ANXA8: variants seen among roughly 807,000 people sequenced by gnomAD.
ANXA8 encodes the protein VAC-beta.
A neutral mutation model predicts 26.8 loss-of-function variants in ANXA8; 9 were observed. That is an observed-to-expected ratio of 0.34 (90% CI 0.20 to 0.59). The LOEUF is 0.59. ANXA8 is among the 20% of genes least tolerant of loss of function. The pLI is 0.84. For missense variants in ANXA8, 83 were observed against 238.5 expected, an observed-to-expected ratio of 0.35 and a Z score of 4.29; for synonymous variants, 39 against 94.8, an observed-to-expected ratio of 0.41 and a Z score of 3.42.
the ANXA8 span, among the ~76,000 whole-genome samples, chr10:47,674,775 G>A: frequency 6.6e-6 from 1 of 151,660 alleles, no homozygotes; most frequent in East Asian, 1.9e-4. Flanking sequence ...TTTATACCTT[G>A]GGTTAAAATC....
At chr10:47,552,868 T>C in the ANXA8 span, among the ~76,000 whole-genome samples, 73 of 152,016 alleles carry the variant, frequency 4.8e-4, 1 homozygote, top group African/African-American at 1.0e-3. Context: ...TATGGTCTGA[T>C]TGGCAGAGGA....
chr10:47,650,079 G>GCC, the ANXA8 span, among the ~76,000 whole-genome samples: 43 of 148,654 alleles, frequency 2.9e-4, no homozygotes, highest in African/African-American at 1.0e-3. Context: ...ATGGTGGCAC[G>GCC]CGCCTGTAAT....
chr10:47,676,007 AAGGGAAGGGAGGGG>A, the ANXA8 span, among the ~76,000 whole-genome samples: 1 of 151,378 alleles, frequency 6.6e-6, no homozygotes, highest in Non-Finnish European at 1.5e-5. Flanking sequence ...AAGAAAAGGA[AAGGGAAGGGAGGGG>A]AGGGAAGGGA....
At chr10:47,977,639 G>GA in the ANXA8 span, among the ~76,000 whole-genome samples, 42 of 151,190 alleles carry the variant, frequency 2.8e-4, no homozygotes, top group African/African-American at 9.7e-4. Context: ...ATAAAAAAGG[G>GA]AAAAAAATAA....
the ANXA8 span, among the ~76,000 whole-genome samples, chr10:47,584,021 A>G: frequency 7.5e-6 from 1 of 132,652 alleles, no homozygotes; most frequent in East Asian, 2.1e-4. Flanking sequence ...CTCTACTAAA[A>G]ATACAAAAAT....
At chr10:47,671,293 G>A in the ANXA8 span, among the ~76,000 whole-genome samples, 12 of 151,768 alleles carry the variant, frequency 7.9e-5, no homozygotes, top group Non-Finnish European at 1.5e-4. Flanking sequence ...TTGGTGGTGC[G>A]TGCCTGTAGT....
At chr10:47,606,687 C>A in the ANXA8 span, among the ~76,000 whole-genome samples, 2 of 147,622 alleles carry the variant, frequency 1.4e-5, no homozygotes, top group Non-Finnish European at 3.0e-5. Context: ...GAGTGGGGGA[C>A]AACACACACT....
chr10:47,677,047 C>T, the ANXA8 span, among the ~76,000 whole-genome samples: 3 of 143,220 alleles, frequency 2.1e-5, no homozygotes, highest in South Asian at 6.6e-4. Context: ...GCAGAAATAG[C>T]CTTCAAAAAT....
At chr10:47,551,565 C>T in the ANXA8 span, among the ~76,000 whole-genome samples, 1 of 151,972 alleles carries the variant, frequency 6.6e-6, no homozygotes, top group Non-Finnish European at 1.5e-5. Flanking sequence ...TGTGCAGATG[C>T]TGGAGGCAAG....
chr10:47,558,322 C>T, the ANXA8 span, among the ~76,000 whole-genome samples: 2 of 151,812 alleles, frequency 1.3e-5, no homozygotes, highest in African/African-American at 2.4e-5. Context: ...AGCAGGGTGG[C>T]CTTGATTTTT....
chr10:47,552,136 G>A, the ANXA8 span, among the ~76,000 whole-genome samples: 1 of 151,692 alleles, frequency 6.6e-6, no homozygotes, highest in African/African-American at 2.4e-5. Context: ...CTATAAATTA[G>A]ATGAGTTACC....
At chr10:47,487,021 G>C (rs1840061672), upstream of ANXA8, among the ~76,000 whole-genome samples, 1 of 146,374 alleles carries the variant, frequency 6.8e-6, no homozygotes, top group Admixed American at 6.9e-5. Flanking sequence ...CTAGAAGAAG[G>C]GACTTGAAAT....
At chr10:47,605,813 T>C in the ANXA8 span, among the ~76,000 whole-genome samples, 1 of 146,476 alleles carries the variant, frequency 6.8e-6, no homozygotes, top group Non-Finnish European at 1.5e-5. Context: ...GGGTCAGCAC[T>C]TATAAACATA....
the ANXA8 span, among the ~76,000 whole-genome samples, chr10:47,959,203 G>T: frequency 1.4e-5 from 2 of 146,696 alleles, no homozygotes; most frequent in Non-Finnish European, 3.0e-5. Flanking sequence ...TGGAAAAGGA[G>T]GCCTAGGGAG....
chr10:47,930,950 GTGCCCCAACCAC>G, the ANXA8 span, among the ~76,000 whole-genome samples: 1 of 139,640 alleles, frequency 7.2e-6, no homozygotes, highest in Non-Finnish European at 1.5e-5. Flanking sequence ...CATGTATTTA[GTGCCCCAACCAC>G]TGTGCCAGAT....
At chr10:47,693,670 G>C in the ANXA8 span, among the ~76,000 whole-genome samples, 1 of 151,876 alleles carries the variant, frequency 6.6e-6, no homozygotes, top group African/African-American at 2.4e-5. Context: ...GGCAATATTA[G>C]CTAATATTAT....
chr10:47,675,753 G>T, the ANXA8 span, among the ~76,000 whole-genome samples: 9 of 151,896 alleles, frequency 5.9e-5, no homozygotes, highest in East Asian at 1.9e-4. Flanking sequence ...GTGACCAAAG[G>T]TCAAGAGAAG....
the ANXA8 span, among the ~76,000 whole-genome samples, chr10:47,666,451 G>C: frequency 6.6e-6 from 1 of 151,610 alleles, no homozygotes; most frequent in Non-Finnish European, 1.5e-5. Context: ...GAGGAATGCT[G>C]TGGTTATTAC....
At chr10:47,666,324 A>G in the ANXA8 span, among the ~76,000 whole-genome samples, 1 of 150,684 alleles carries the variant, frequency 6.6e-6, no homozygotes, top group South Asian at 2.1e-4. Context: ...AAATTATTTG[A>G]TATGAAAAAG....
Sources: allele counts gnomAD v4.1 joint callset (sites outside exome capture counted in the v4.1 genomes callset), GRCh38; gene constraint gnomAD v4.1.1; transcripts MANE v1.5; gene names NCBI Gene and HGNC (gene_info 2026-07-23, HGNC 2026-07-21).